ABCB1: variants seen among roughly 807,000 people sequenced by gnomAD.
The protein encoded by ABCB1 is ATP-dependent translocase ABCB1.
A neutral mutation model predicts 142.0 loss-of-function variants in ABCB1; 69 were observed. The observed-to-expected ratio is 0.49, with a 90% CI of 0.40 to 0.59. ABCB1 has a LOEUF of 0.59. Ranked by LOEUF, ABCB1 falls within the 20% of genes least tolerant of loss-of-function variation. The probability of loss-of-function intolerance (pLI) is 0.00; values close to 1 mark genes in which losing one functional copy is unlikely to be tolerated. For synonymous variants in ABCB1, 532 were observed against 539.2 expected, an observed-to-expected ratio of 0.99 and a Z score of 0.18; for missense variants, 1,326 against 1,554.7, an observed-to-expected ratio of 0.85 and a Z score of 2.47.
chr7:87,552,625 A>C (rs1817124177), intron 9 of ABCB1, among the ~76,000 whole-genome samples: 1 of 151,542 alleles, frequency 6.6e-6, no homozygotes, highest in Admixed American at 6.6e-5. Context: ...ACAACCAAGG[A>C]TCACCCACAG....
At chr7:87,515,511 G>T in intron 24 of ABCB1, 83 bp from the exon 25 acceptor site, 1 of 1,235,004 alleles carries the variant, frequency 8.1e-7, no homozygotes, top group Non-Finnish European at 1.2e-6. Context: ...ATTACCAGGT[G>T]TCAGAAGATA....
intron 20 of ABCB1, among the ~76,000 whole-genome samples, chr7:87,533,007 A>G (rs528276874): frequency 6.6e-6 from 1 of 152,274 alleles, no homozygotes; most frequent in African/African-American, 2.4e-5. Context: ...ATTAAATTCC[A>G]TACCATGGAG....
chr7:87,633,941 T>A (rs1262706783), intron 1 of ABCB1, among the ~76,000 whole-genome samples: 1 of 152,212 alleles, frequency 6.6e-6, no homozygotes, highest in Non-Finnish European at 1.5e-5. Flanking sequence ...CTGTAGGTTG[T>A]ACAAAAACCG....
intron 25 of ABCB1, among the ~76,000 whole-genome samples, 191 bp from the exon 26 acceptor site, chr7:87,509,672 T>C (rs935157746): frequency 6.6e-6 from 1 of 152,202 alleles, no homozygotes; most frequent in African/African-American, 2.4e-5. Context: ...AACTGTCATG[T>C]TTCCTGTGTT....
At chr7:87,624,842 T>C (rs1036363728) in intron 1 of ABCB1, among the ~76,000 whole-genome samples, 24 of 152,188 alleles carry the variant, frequency 1.6e-4, no homozygotes, top group African/African-American at 3.9e-4. Context: ...GGCAGTGTAA[T>C]GACACTCCAT....
chr7:87,680,421 T>G (rs1469401930), intron 1 of ABCB1, among the ~76,000 whole-genome samples: 1 of 150,816 alleles, frequency 6.6e-6, no homozygotes, highest in African/African-American at 2.5e-5. Flanking sequence ...AAGCAGCACT[T>G]AGAAGGAAAT....
chr7:87,659,394 C>A (rs1824464391), intron 1 of ABCB1, among the ~76,000 whole-genome samples: 1 of 151,764 alleles, frequency 6.6e-6, no homozygotes, highest in Admixed American at 6.6e-5. Context: ...ATAGATTTTT[C>A]AGTGGTTGCA....
At chr7:87,684,899 A>ATACCTGTG (rs895178334) in intron 1 of ABCB1, among the ~76,000 whole-genome samples, 2 of 152,148 alleles carry the variant, frequency 1.3e-5, no homozygotes, top group Non-Finnish European at 2.9e-5. Context: ...GATTAATTGA[A>ATACCTGTG]TACCTGTGTG....
intron 18 of ABCB1, among the ~76,000 whole-genome samples, chr7:87,540,024 C>G (rs1181781278): frequency 6.6e-6 from 1 of 152,162 alleles, no homozygotes; most frequent in African/African-American, 2.4e-5. Context: ...CACATTTATT[C>G]TAGTAAGGTC....
intron 1 of ABCB1, chr7:87,628,624 T>TGG (rs1554445684): frequency 3.2e-6 from 1 of 316,236 alleles, no homozygotes; most frequent in Non-Finnish European, 5.6e-6. Context: ...TGTGTGTGTG[T>TGG]GGAGCTCGGG....
chr7:87,611,048 C>A (rs913826357), intron 1 of ABCB1, among the ~76,000 whole-genome samples: 1 of 152,210 alleles, frequency 6.6e-6, no homozygotes, highest in Non-Finnish European at 1.5e-5. Context: ...TTACTCTGGT[C>A]TTCTTCTAAT....
At chr7:87,547,850 C>CT (rs1816853359) in intron 14 of ABCB1, among the ~76,000 whole-genome samples, 1 of 42,018 alleles carries the variant, frequency 2.4e-5, no homozygotes, top group Admixed American at 3.8e-4. Flanking sequence ...GACTCCATCT[C>CT]AAAAAAAAAA....
upstream of ABCB1, among the ~76,000 whole-genome samples, chr7:87,603,817 A>T (rs944175859): frequency 6.6e-6 from 1 of 152,258 alleles, no homozygotes; most frequent in East Asian, 1.9e-4. Flanking sequence ...TGAACGGGTT[A>T]CTTAACTCTG....
chr7:87,619,359 C>T (rs143736187), intron 1 of ABCB1, among the ~76,000 whole-genome samples: 8 of 151,792 alleles, frequency 5.3e-5, no homozygotes, highest in East Asian at 1.9e-4. Flanking sequence ...GCCAACATGC[C>T]GAAACCCCGT....
At chr7:87,641,756 G>T (rs2130298816) in intron 1 of ABCB1, among the ~76,000 whole-genome samples, 1 of 152,266 alleles carries the variant, frequency 6.6e-6, no homozygotes, top group East Asian at 1.9e-4. Context: ...CCCACATTTT[G>T]TTGTTTTAGC....
intron 4 of ABCB1, among the ~76,000 whole-genome samples, chr7:87,583,647 G>A (rs949159107): frequency 6.6e-6 from 1 of 152,154 alleles, no homozygotes; most frequent in Non-Finnish European, 1.5e-5. Flanking sequence ...ATCCAGAAAG[G>A]AGCTAGTCTT....
chr7:87,551,660 A>T (rs62864761), intron 9 of ABCB1, among the ~76,000 whole-genome samples: 1 of 72,614 alleles, frequency 1.4e-5, no homozygotes, highest in Non-Finnish European at 3.3e-5. Flanking sequence ...CTGGCTAATT[A>T]AAAAAAAAAA....
At chr7:87,608,328 C>T (rs539041113) in intron 1 of ABCB1, among the ~76,000 whole-genome samples, 1 of 152,280 alleles carries the variant, frequency 6.6e-6, no homozygotes, top group South Asian at 2.1e-4. Flanking sequence ...CGAATGTTTA[C>T]TTGTGTTTAT....
Position 87,541,448 on chromosome 7 carries a change from T to C in ABCB1, c.2228A>G (p.Asp743Gly). The stretch of plus-strand genomic sequence containing the variant: ...ATTCTGTCGTTTTGTTTCAGGATCA[T>C]CAATTCTTGTAAAAACCTGTGAGAA... ...SKIIGVFTRI[D>G]DPETKRQNSN... Residue 743 changes from aspartate (D) to glycine (G), a missense_variant, in exon 18 of 28, where the codon GAT (aspartate) becomes GGT (glycine). Asp to Gly is a moderately conservative substitution (Grantham distance 94, BLOSUM62 -1). Coordinates refer to ENST00000622132, the MANE Select transcript of ABCB1 (RefSeq NM_001348946.2). 6.2e-7 allele frequency: 1 copy of C among 1,605,214 alleles called. No individual in the cohort carries two copies. The highest frequency in any genetic ancestry group is 8.5e-7 in the Non-Finnish European group (1 of 1,171,900).
Sources: allele counts gnomAD v4.1 joint callset (sites outside exome capture counted in the v4.1 genomes callset), GRCh38; gene constraint gnomAD v4.1.1; transcripts MANE v1.5; gene names NCBI Gene and HGNC (gene_info 2026-07-23, HGNC 2026-07-21).